Variants in PIK3C2G observed in about 807,000 individuals in gnomAD.
PIK3C2G encodes the protein phosphatidylinositol-4-phosphate 3-kinase catalytic subunit type 2 gamma.
Under a neutral mutation model 181.1 loss-of-function variants are expected in PIK3C2G, and 168 were observed. The ratio of observed to expected loss-of-function variants is 0.93; its 90% CI spans 0.82 to 1.05. The LOEUF (loss-of-function observed/expected upper bound fraction) is 1.05, where lower values mean the gene tolerates loss of function less well. Ranked by LOEUF, PIK3C2G falls within the 50% of genes least tolerant of loss-of-function variation. The pLI, the probability that PIK3C2G is intolerant of heterozygous loss-of-function variation, is 0.00. For missense variants in PIK3C2G, 1,869 were observed against 1,732.8 expected (o/e 1.08, Z -1.40); for synonymous variants, 573 against 592.2 (o/e 0.97, Z 0.47).
intron 24 of PIK3C2G, among the ~76,000 whole-genome samples, chr12:18,506,762 A>T (rs1024791549): frequency 6.6e-5 from 10 of 152,204 alleles, no homozygotes; most frequent in Non-Finnish European, 1.5e-4. Context: ...TATATTTTAT[A>T]TGAAGGTAGA....
At chr12:18,469,275 C>T (rs1938218707) in intron 18 of PIK3C2G, among the ~76,000 whole-genome samples, 2 of 152,060 alleles carry the variant, frequency 1.3e-5, no homozygotes, top group African/African-American at 4.8e-5. Context: ...GAGGCTTTTA[C>T]CTACAAAGCA....
the PIK3C2G span, among the ~76,000 whole-genome samples, chr12:18,720,901 AT>A: frequency 1.3e-5 from 2 of 152,242 alleles, no homozygotes; most frequent in South Asian, 4.1e-4. Flanking sequence ...ATGTAAGTAA[AT>A]GTTATGACAT....
At chr12:18,552,351 T>G (rs1467032153) in intron 26 of PIK3C2G, among the ~76,000 whole-genome samples, 1 of 152,134 alleles carries the variant, frequency 6.6e-6, no homozygotes, top group African/African-American at 2.4e-5. Context: ...AACTGAGAAA[T>G]AGCATGAGAT....
At chr12:18,595,011 A>G (rs1324206169) in intron 30 of PIK3C2G, among the ~76,000 whole-genome samples, 1 of 152,094 alleles carries the variant, frequency 6.6e-6, no homozygotes, top group Non-Finnish European at 1.5e-5. Context: ...ATCATAGAAT[A>G]TTCAAGATTT....
intron 5 of PIK3C2G, among the ~76,000 whole-genome samples, chr12:18,298,456 C>T: frequency 1.4e-5 from 2 of 144,918 alleles, no homozygotes; most frequent in Non-Finnish European, 1.5e-5. Flanking sequence ...GCATAATAGT[C>T]CTTGTTAGAT....
intron 18 of PIK3C2G, among the ~76,000 whole-genome samples, chr12:18,456,352 T>C (rs1241534989): frequency 2.0e-5 from 3 of 151,150 alleles, no homozygotes; most frequent in Non-Finnish European, 4.4e-5. Flanking sequence ...AGTTTAAGAG[T>C]GGAGGCTTAT....
At chr12:18,396,668 T>G (rs1206124238) in intron 15 of PIK3C2G, among the ~76,000 whole-genome samples, 1 of 151,684 alleles carries the variant, frequency 6.6e-6, no homozygotes, top group Non-Finnish European at 1.5e-5. Flanking sequence ...AAATTCTGTT[T>G]TGAAATGTTA....
At chr12:18,327,390 G>T (rs996680009) in intron 8 of PIK3C2G, among the ~76,000 whole-genome samples, 1 of 151,930 alleles carries the variant, frequency 6.6e-6, no homozygotes, top group Admixed American at 6.5e-5. Context: ...TCCCAAACTT[G>T]GATTATTACA....
At chr12:18,452,200 C>T (rs1947401834) in intron 18 of PIK3C2G, among the ~76,000 whole-genome samples, 1 of 152,128 alleles carries the variant, frequency 6.6e-6, no homozygotes, top group Admixed American at 6.5e-5. Flanking sequence ...CTGTCTGGTC[C>T]TGGGCTTTTT....
intron 1 of PIK3C2G, among the ~76,000 whole-genome samples, chr12:18,248,576 A>AAACAACAACAAC (rs139110088): frequency 6.6e-6 from 1 of 151,294 alleles, no homozygotes; most frequent in African/African-American, 2.4e-5. Flanking sequence ...ATCTCAAACA[A>AAACAACAACAAC]AACAACAACA....
Position 18,467,215 on chromosome 12 carries a change from G to C in PIK3C2G, c.2505-21234G>C, listed in dbSNP as rs1282861886. On this transcript the variant is annotated intron_variant, in intron 18 of 32. Transcript: ENST00000538779. ...TTAGAACTATCTCAGTTTGCTCAAA[G>C]CTGACAAATCAATATTAAATATACA... is the stretch of plus-strand genomic sequence containing the variant. 3.3e-5 allele frequency among the ~76,000 whole-genome samples: 5 copies of C among 152,032 alleles called. No homozygotes were observed. The East Asian group carries it at 7.7e-4, about 24-fold the overall frequency.
Position 18,554,783 on chromosome 12 carries a change from C to T in PIK3C2G, c.3591-7920C>T, listed in dbSNP as rs574830312. Among the ~76,000 whole-genome samples the T allele has an allele frequency of 1.1e-4, 17 of 152,072 alleles. No individual in the cohort carries two copies. The South Asian group carries it at 1.7e-3, about 15-fold the overall frequency. ...ATTTCAGAGATTACAAATTCAATGC[C>T]GAACTACTGATTTTCTTTATGCGAT... On this transcript the variant is annotated intron_variant, in intron 26 of 32. Coordinates refer to ENST00000538779, the MANE Select transcript of PIK3C2G (RefSeq NM_001288772.2).
At chr12:18,654,414 G>C in the PIK3C2G span, among the ~76,000 whole-genome samples, 2 of 151,808 alleles carry the variant, frequency 1.3e-5, no homozygotes, top group South Asian at 2.1e-4. Context: ...TAAAGTATCA[G>C]CATTATTGTA....
rs958685351 is a variant in PIK3C2G at position 18,263,987 on chromosome 12, T to A, written c.-79+2410T>A. ...AAGGCAATTGTTTGTCTCCAGCTGA[T>A]TGAAATCAGTGCCACCCTTTTCTCA... On this transcript the variant is annotated intron_variant, in intron 1 of 32. Coordinates refer to ENST00000538779, the MANE Select transcript of PIK3C2G (RefSeq NM_001288772.2). 1.2e-4 allele frequency among the ~76,000 whole-genome samples: 19 copies of A among 152,150 alleles called. 1 individual carries two copies. The highest frequency in any genetic ancestry group is 4.6e-4 in the African/African-American group (19 of 41,438).
chr12:18,702,840 A>G, the PIK3C2G span, among the ~76,000 whole-genome samples: 1 of 32,350 alleles, frequency 3.1e-5, no homozygotes, highest in Non-Finnish European at 5.3e-5. Flanking sequence ...TTTTTTTTTG[A>G]GACGGAGTCT....
chr12:18,284,895 A>G (rs544910530), intron 2 of PIK3C2G, among the ~76,000 whole-genome samples: 5 of 152,314 alleles, frequency 3.3e-5, no homozygotes, highest in African/African-American at 1.2e-4. Flanking sequence ...GACAAGAAAC[A>G]TAATATGTGG....
chr12:18,596,637 T>G (rs528477509), intron 30 of PIK3C2G, among the ~76,000 whole-genome samples: 1 of 152,266 alleles, frequency 6.6e-6, no homozygotes, highest in Non-Finnish European at 1.5e-5. Context: ...GATGAGTTAA[T>G]GAGCATGATT....
At position 18,397,743 on chromosome 12, in the gene PIK3C2G, T is replaced by C. The variant is rs570189717; in HGVS notation, c.2127-1916T>C. ...TTCTTGTAAAGATAAATACCTAACATATAACCATGTCCTTCCTCTCATAGA... is the reference window on the plus strand; with the variant it reads ...TTCTTGTAAAGATAAATACCTAACACATAACCATGTCCTTCCTCTCATAGA... On this transcript the variant is annotated intron_variant, in intron 15 of 32. Coordinates refer to ENST00000538779, the MANE Select transcript of PIK3C2G (RefSeq NM_001288772.2). Among the ~76,000 whole-genome samples, 377 of 152,192 alleles carry C rather than the reference T, an allele frequency of 2.5e-3. 2 individuals are homozygous for C. The highest frequency in any genetic ancestry group is 6.8e-3 in the Middle Eastern group (2 of 294).
chr12:18,319,918 CTCAG>C (rs1302043395), intron 6 of PIK3C2G: 3 of 152,172 alleles, frequency 2.0e-5, no homozygotes, highest in Non-Finnish European at 4.4e-5. Flanking sequence ...ATCTTCGTTT[CTCAG>C]TCATTCTACA....
Sources: gnomAD v4.1 joint callset for allele counts (sites outside exome capture counted in the v4.1 genomes callset) on GRCh38, gnomAD v4.1.1 for gene constraint, MANE v1.5 for transcripts, NCBI Gene and HGNC (gene_info 2026-07-23, HGNC 2026-07-21) for gene names.